SLC20A2: variants seen among roughly 807,000 people sequenced by gnomAD.
The protein encoded by SLC20A2 is sodium-dependent phosphate transporter 2.
SLC20A2 carries 30 observed loss-of-function variants against 61.0 expected under a neutral mutation model. That is an observed-to-expected ratio of 0.49 (90% CI 0.37 to 0.67). The LOEUF (loss-of-function observed/expected upper bound fraction) is 0.67. SLC20A2 is among the 30% of genes least tolerant of loss of function. The probability of loss-of-function intolerance (pLI) is 0.00; values close to 1 mark genes in which losing one functional copy is unlikely to be tolerated. For synonymous variants in SLC20A2, 351 were observed against 353.3 expected (o/e 0.99, Z 0.07); for missense variants, 626 against 866.4 (o/e 0.72, Z 3.48).
intron 1 of SLC20A2, among the ~76,000 whole-genome samples, chr8:42,479,043 C>T (rs74966792): frequency 5.9e-5 from 9 of 152,072 alleles, no homozygotes; most frequent in Non-Finnish European, 8.8e-5. Context: ...AGGAGGGGCT[C>T]GGGACATGAC....
chr8:42,460,052 C>T, intron 4 of SLC20A2, 60 bp from the exon 5 acceptor site: 1 of 944,628 alleles, frequency 1.1e-6, no homozygotes, highest in South Asian at 1.4e-5. Context: ...TTGGAGCCAA[C>T]ACAGACAAAA....
intron 1 of SLC20A2, chr8:42,538,238 A>G (rs1812832556): frequency 6.7e-6 from 1 of 148,342 alleles, no homozygotes; most frequent in African/African-American, 2.4e-5. Flanking sequence ...TATTATATAT[A>G]TTATATATTA....
At chr8:42,476,339 G>A (rs1456883938) in intron 1 of SLC20A2, among the ~76,000 whole-genome samples, 2 of 151,924 alleles carry the variant, frequency 1.3e-5, no homozygotes, top group African/African-American at 4.8e-5. Context: ...TGCTGACCTC[G>A]TGATCCGCCC....
intron 1 of SLC20A2, among the ~76,000 whole-genome samples, chr8:42,527,283 A>G (rs1453584578): frequency 6.6e-6 from 1 of 151,766 alleles, no homozygotes; most frequent in African/African-American, 2.4e-5. Flanking sequence ...GTATGCCTGT[A>G]ATCTCAGCTA....
chr8:42,420,254 A>C (rs1189389748), intron 10 of SLC20A2, among the ~76,000 whole-genome samples: 3 of 151,624 alleles, frequency 2.0e-5, no homozygotes, highest in Non-Finnish European at 4.4e-5. Context: ...TGTGTTCCTT[A>C]TTTATTTATG....
intron 5 of SLC20A2, among the ~76,000 whole-genome samples, chr8:42,453,440 C>T (rs995544316): frequency 3.3e-5 from 5 of 151,896 alleles, no homozygotes; most frequent in Admixed American, 2.0e-4. Context: ...CAAACTAAGC[C>T]TAAGAAATAA....
At position 42,437,648 on chromosome 8, in the gene SLC20A2, C is replaced by T. The variant is rs1474294118; in HGVS notation, c.935-71G>A. ...TTTTCTTTTCTTTTTGAGACGGAGC[C>T]TTGCTCTGTCCTCAGGGTGGAGTAC... On this transcript the variant is annotated intron_variant, in intron 7 of 10. Coordinates refer to ENST00000520262, the MANE Select transcript of SLC20A2 (RefSeq NM_001257180.2). The surrounding 1 kb of genome is among the most constrained non-coding windows in gnomAD (Gnocchi z 6.4). 2.3e-6 allele frequency: 3 copies of T among 1,284,966 alleles called. No homozygotes were observed. Among genetic ancestry groups the T allele is most frequent in the Non-Finnish European group, 3.1e-6 (3 of 956,682 alleles). 79.6% of individuals were successfully genotyped at this position (1,284,966 alleles called of 1,614,324 possible).
intron 1 of SLC20A2, chr8:42,541,126 T>G (rs1426405586): frequency 6.6e-6 from 1 of 151,974 alleles, no homozygotes; most frequent in African/African-American, 2.4e-5. Context: ...GGTGGGACAA[T>G]GTACACGACC....
At chr8:42,539,328 A>G (rs1458673639) in intron 1 of SLC20A2, among the ~76,000 whole-genome samples, 1 of 152,246 alleles carries the variant, frequency 6.6e-6, no homozygotes, top group African/African-American at 2.4e-5. Context: ...TCATCTCGGA[A>G]TCACTGTTAA....
chr8:42,466,530 A>G (rs972234142), intron 2 of SLC20A2, among the ~76,000 whole-genome samples: 1 of 152,232 alleles, frequency 6.6e-6, no homozygotes, highest in Non-Finnish European at 1.5e-5. Context: ...ATGAACACAG[A>G]AAGACTAGAA....
intron 5 of SLC20A2, among the ~76,000 whole-genome samples, chr8:42,452,042 AGG>A (rs1298559105): frequency 1.8e-5 from 2 of 112,868 alleles, no homozygotes; most frequent in African/African-American, 4.0e-5. Flanking sequence ...GGAGGAAGAG[AGG>A]GGGAGGAAGA....
chr8:42,498,890 T>G (rs1810134002), intron 1 of SLC20A2, among the ~76,000 whole-genome samples: 1 of 152,204 alleles, frequency 6.6e-6, no homozygotes, highest in Admixed American at 6.5e-5. Context: ...AAACCTCATG[T>G]GAGGGAAGAG....
chr8:42,458,946 C>A (rs191673780), intron 5 of SLC20A2, among the ~76,000 whole-genome samples: 1 of 139,666 alleles, frequency 7.2e-6, no homozygotes. Context: ...TTTAACCCCC[C>A]CCCCCACAAA....
intron 5 of SLC20A2, among the ~76,000 whole-genome samples, chr8:42,444,971 C>CTAGT (rs1222959971): frequency 6.6e-6 from 1 of 152,248 alleles, no homozygotes; most frequent in Non-Finnish European, 1.5e-5. Flanking sequence ...TGTGCTTAAA[C>CTAGT]TAGTTAGTAA....
At chr8:42,541,646 G>T (rs569253115) in intron 1 of SLC20A2, 2 of 149,874 alleles carry the variant, frequency 1.3e-5, no homozygotes, top group African/African-American at 4.9e-5. Flanking sequence ...CCCCGACTCC[G>T]GGGTAAAGAG....
intron 1 of SLC20A2, among the ~76,000 whole-genome samples, chr8:42,484,105 G>A: frequency 6.6e-6 from 1 of 152,160 alleles, no homozygotes; most frequent in East Asian, 1.9e-4. Context: ...TATCATTCCA[G>A]AGATTCTTAA....
chr8:42,509,590 A>G (rs1451559584), intron 1 of SLC20A2, among the ~76,000 whole-genome samples: 2 of 152,090 alleles, frequency 1.3e-5, no homozygotes, highest in Non-Finnish European at 2.9e-5. Flanking sequence ...AAAATTAAAA[A>G]TTAAAAATAA....
At chr8:42,507,937 A>C (rs1203446496) in intron 1 of SLC20A2, among the ~76,000 whole-genome samples, 1 of 152,144 alleles carries the variant, frequency 6.6e-6, no homozygotes, top group Admixed American at 6.5e-5. Context: ...AGGCGGGCGG[A>C]TCACCTGAGG....
At chr8:42,502,299 C>T (rs983199734), upstream of SLC20A2, 3 of 152,108 alleles carry the variant, frequency 2.0e-5, no homozygotes, top group African/African-American at 7.2e-5. Flanking sequence ...ATCCTATAGA[C>T]CTTTTCAGAG....
Sources: gnomAD v4.1 joint callset for allele counts (sites outside exome capture counted in the v4.1 genomes callset) on GRCh38, gnomAD v4.1.1 for gene constraint, Gnocchi (gnomAD v3.1) non-coding constraint, MANE v1.5 for transcripts, NCBI Gene and HGNC (gene_info 2026-07-23, HGNC 2026-07-21) for gene names.